Variants in SYTL2 observed in about 807,000 individuals in gnomAD.
SYTL2 encodes synaptotagmin-like protein 2.
SYTL2 carries 165 observed loss-of-function variants against 198.7 expected under a neutral mutation model. The ratio of observed to expected loss-of-function variants is 0.83; its 90% confidence interval spans 0.73 to 0.94. The LOEUF is 0.94. Among genes scored for constraint, SYTL2 ranks in the 40% least tolerant of loss-of-function variants. The pLI is 0.00. For synonymous variants in SYTL2, 966 were observed against 917.7 expected (o/e 1.05, Z -0.95); for missense variants, 2,835 against 2,582.8 (o/e 1.10, Z -2.12).
At position 85,734,578 on chromosome 11, in the gene SYTL2, C is replaced by G; in HGVS notation, c.751G>C (p.Asp251His). ...TGTCTAGGAAAAGACTGGTTATCAT[C>G]TTTGTTTAAATCAGTTGATTTGTAG... ...MIYKSTDLNK[D>H]DNQSFPRQRT... Residue 251 changes from aspartate (D) to histidine (H), a missense_variant, in exon 7 of 20, where the codon GAT (aspartate) becomes CAT (histidine). Asp to His is a moderately conservative substitution (Grantham distance 81). Coordinates refer to ENST00000359152, the MANE Select transcript of SYTL2 (RefSeq NM_206927.4). 2 of 1,614,206 alleles carry G rather than the reference C, an allele frequency of 1.2e-6. No individual in the cohort carries two copies. The highest frequency in any genetic ancestry group is 1.3e-5 in the African/African-American group (1 of 75,050).
Position 85,734,008 on chromosome 11 carries a change from T to C in SYTL2, c.1321A>G (p.Ile441Val). 6.2e-7 allele frequency: 1 copy of C among 1,614,134 alleles called. No homozygotes were observed. Residue 441 changes from isoleucine (I) to valine (V), a missense_variant, in exon 7 of 20, where the codon ATC becomes GTC. Physicochemically the swap from Ile to Val is conservative, Grantham distance 29. Transcript: ENST00000359152. ...GATGATTTATCTTTGGGTTCATTGA[T>C]GGTTGGTGAATTCTCCATAGACTGT... ...RPQSMENSPT[I>V]NEPKDKSSEL...
Position 85,725,092 on chromosome 11 carries a change from C to T in SYTL2, c.4266G>A (p.Thr1422=), listed in dbSNP as rs781253060. 1.2e-6 allele frequency: 2 copies of T among 1,614,144 alleles called. No individual in the cohort carries two copies. Among genetic ancestry groups the T allele is most frequent in the Admixed American group, 1.7e-5 (1 of 60,026 alleles). The change falls in exon 8 of 20, where the codon ACG becomes ACA. Residue 1422 remains threonine, a synonymous_variant. Transcript: ENST00000359152. The stretch of plus-strand genomic sequence containing the variant: ...TCCTGTCTGGAACTATGGTGTCCAT[C>T]GTAGCCCATGGTGATATCACTCCTG... ...NPPGVISPWA[T]MDTIVPDRKD...
chr11:85,821,561 T>C, the SYTL2 span, among the ~76,000 whole-genome samples: 1 of 152,092 alleles, frequency 6.6e-6, no homozygotes, highest in Non-Finnish European at 1.5e-5. Flanking sequence ...AATCAGATTA[T>C]AAAAGGCCTG....
chr11:85,759,526 G>T, intron 1 of SYTL2, among the ~76,000 whole-genome samples: 1 of 97,676 alleles, frequency 1.0e-5, no homozygotes, highest in East Asian at 3.0e-4. Flanking sequence ...CTTGCATTCT[G>T]TACCAAAAAT....
Position 85,714,520 on chromosome 11 carries a change from A to G in SYTL2, c.5531-13T>C. On this transcript the variant is annotated splice_polypyrimidine_tract_variant and intron_variant, in intron 11 of 19. Coordinates refer to ENST00000359152, the MANE Select transcript of SYTL2 (RefSeq NM_206927.4). ...GGCACTGTGGAAACTAAACAGCAGC[A>G]TTTCCATTTCAAAATTATTCTTACA... 1 of 1,604,698 alleles carries G rather than the reference A, an allele frequency of 6.2e-7. No individual in the cohort carries two copies. The highest frequency in any genetic ancestry group is 1.1e-5 in the South Asian group (1 of 90,556).
intron 2 of SYTL2, among the ~76,000 whole-genome samples, chr11:85,757,343 T>A (rs1388291855): frequency 6.6e-6 from 1 of 152,218 alleles, no homozygotes; most frequent in Non-Finnish European, 1.5e-5. Context: ...TGTAGATGTA[T>A]GTGGTTGTAT....
At chr11:85,781,050 A>G (rs1438158740) in intron 1 of SYTL2, among the ~76,000 whole-genome samples, 1 of 152,224 alleles carries the variant, frequency 6.6e-6, no homozygotes, top group Non-Finnish European at 1.5e-5. Context: ...AGTAGAGAAT[A>G]GGAAGAACAC....
rs766973623 is a variant in SYTL2, at chr11:85,727,403, T to C, written c.1955A>G (p.Asp652Gly). The change falls in exon 8 of 20, where the codon GAT becomes GGT. Residue 652 changes from aspartate (D) to glycine (G), a missense_variant. Coordinates refer to ENST00000359152, the MANE Select transcript of SYTL2 (RefSeq NM_206927.4). ...ATTCCCTTTTCCTGGGCTTTTTGAA[T>C]CTTGGCTATAGTCCATATTTTTACT... ...QGSKNMDYSQ[D>G]SKSPGKGNGA... 7 of 1,536,392 alleles carry C rather than the reference T, an allele frequency of 4.6e-6. No individual in the cohort carries two copies. The South Asian group carries it at 7.1e-5, about 16-fold the overall frequency.
At chr11:85,815,731 C>T (rs889126527), upstream of SYTL2, among the ~76,000 whole-genome samples, 2 of 152,164 alleles carry the variant, frequency 1.3e-5, no homozygotes, top group African/African-American at 2.4e-5. Context: ...TTAGGACCCA[C>T]GGATCTACTA....
Position 85,726,560 on chromosome 11 carries a change from G to C in SYTL2, c.2798C>G (p.Pro933Arg), listed in dbSNP as rs545541503. 6.3e-7 allele frequency: 1 copy of C among 1,594,368 alleles called. No individual in the cohort carries two copies. The highest frequency in any genetic ancestry group is 1.1e-5 in the South Asian group (1 of 90,366). ...TCGTTCACTCCCGACATTTGAGGGA[G>C]GTTGCAGTGCTGGTAAAGTAATGTT... The part of the protein sequence containing the change: ...RRNITLPALQ[P>R]PSNVGSERHA... The change falls in exon 8 of 20, where the codon CCT (proline) becomes CGT (arginine). Residue 933 changes from proline (P) to arginine (R), a missense_variant. Pro to Arg is a moderately radical substitution (Grantham distance 103). Transcript: ENST00000359152.
intron 15 of SYTL2, among the ~76,000 whole-genome samples, chr11:85,706,247 A>T (rs1414093916): frequency 6.6e-6 from 1 of 152,224 alleles, no homozygotes. Flanking sequence ...TAGGTAGGTA[A>T]GTACTATTAT....
At chr11:85,774,547 T>C (rs2092417096) in intron 1 of SYTL2, among the ~76,000 whole-genome samples, 1 of 152,090 alleles carries the variant, frequency 6.6e-6, no homozygotes, top group Admixed American at 6.6e-5. Context: ...ACACCCCAAA[T>C]ACCGAGCTTT....
intron 1 of SYTL2, among the ~76,000 whole-genome samples, chr11:85,765,531 G>C (rs1278763391): frequency 6.6e-6 from 1 of 152,172 alleles, no homozygotes; most frequent in East Asian, 1.9e-4. Context: ...CACCGCGCCT[G>C]GCAGTTGCCA....
Position 85,697,989 on chromosome 11 carries a change from A to C in SYTL2, c.6358T>G (p.Phe2120Val). The stretch of plus-strand genomic sequence containing the variant: ...CATCAATACTATTACCATTTAACAA[A>C]AGAATTTAGATGACTTCCCCTTAGC... ...PLLRGSHLNS[F>V]VKCTILPDTS... The change falls in exon 18 of 20, where the codon TTT (phenylalanine) becomes GTT (valine). Residue 2120 changes from phenylalanine (F) to valine (V), a missense_variant. Physicochemically the swap from Phe to Val is conservative, Grantham distance 50. Coordinates refer to ENST00000359152, the MANE Select transcript of SYTL2 (RefSeq NM_206927.4). 6.2e-7 allele frequency: 1 copy of C among 1,611,030 alleles called. No individual in the cohort carries two copies. The highest frequency in any genetic ancestry group is 8.5e-7 in the Non-Finnish European group (1 of 1,177,230).
At chr11:85,707,389 CACCA>C in intron 15 of SYTL2, 36 bp downstream of exon 15, 1 of 1,368,570 alleles carries the variant, frequency 7.3e-7, no homozygotes. Flanking sequence ...GTAAACAGGT[CACCA>C]TCTAGGATTT....
In SYTL2 at chr11:85,717,489, G is replaced by A. The variant is rs757267024; in HGVS notation, c.5524C>T (p.Pro1842Ser). Residue 1842 changes from proline to serine, a missense_variant, in exon 11 of 20, where the codon CCA becomes TCA. Transcript: ENST00000359152. ...GAAAGATCCTGCTACTCACTTCTTG[G>A]TACGCATTCATTTGTAACTGGCTTC... Reference protein sequence around the residue: ...DQKPVTNECVPRISTVPTQPD... With the variant: ...DQKPVTNECVSRISTVPTQPD... The A allele has an allele frequency of 6.2e-7, 1 of 1,612,816 alleles. No homozygotes were observed. Among genetic ancestry groups the A allele is most frequent in the East Asian group, 2.2e-5 (1 of 44,804 alleles).
At chr11:85,830,422 C>T in the SYTL2 span, among the ~76,000 whole-genome samples, 3 of 152,176 alleles carry the variant, frequency 2.0e-5, no homozygotes. Flanking sequence ...TTCATTGACA[C>T]CTTGCATTGA....
At chr11:85,748,456 A>T (rs2091308875) in intron 2 of SYTL2, 33 bp from the exon 3 acceptor site, 1 of 1,609,642 alleles carries the variant, frequency 6.2e-7, no homozygotes, top group East Asian at 2.2e-5. Context: ...GTTTGCTGAG[A>T]ACCCACAGTA....
chr11:85,695,392 G>A (rs1188251059), intron 19 of SYTL2, 52 bp from the exon 20 acceptor site: 2 of 1,429,720 alleles, frequency 1.4e-6, no homozygotes, highest in Admixed American at 2.4e-5. Flanking sequence ...TGGGGGTAGG[G>A]GAAAGAGGGA....
Sources: gnomAD v4.1 joint callset for allele counts (sites outside exome capture counted in the v4.1 genomes callset) on GRCh38, gnomAD v4.1.1 for gene constraint, MANE v1.5 for transcripts, NCBI Gene and HGNC (gene_info 2026-07-23, HGNC 2026-07-21) for gene names.